TFEC: variants seen among roughly 807,000 people sequenced by gnomAD.
TFEC encodes class E basic helix-loop-helix protein 34.
A neutral mutation model predicts 41.6 loss-of-function variants in TFEC; 31 were observed. The ratio of observed to expected loss-of-function variants is 0.74; its 90% CI spans 0.56 to 1.01. TFEC has a LOEUF of 1.01. Ranked by LOEUF, TFEC falls within the 50% of genes least tolerant of loss-of-function variation. TFEC has a pLI of 0.00. For missense variants in TFEC, 402 were observed against 404.1 expected (o/e 0.99, Z 0.04); for synonymous variants, 143 against 140.6 (o/e 1.02, Z -0.12).
intron 1 of TFEC, among the ~76,000 whole-genome samples, chr7:116,123,858 T>C (rs1048810099): frequency 4.6e-5 from 7 of 152,294 alleles, no homozygotes; most frequent in Non-Finnish European, 1.0e-4. Context: ...GTATTATGTC[T>C]GCAAAGGAAG....
At chr7:116,081,805 T>TTTGTAGC (rs1247362908) in intron 3 of TFEC, among the ~76,000 whole-genome samples, 1 of 152,112 alleles carries the variant, frequency 6.6e-6, no homozygotes, top group Non-Finnish European at 1.5e-5. Context: ...AGCAACTTAA[T>TTTGTAGC]TTGTAGCTTT....
At chr7:116,043,017 G>T (rs1796076795) in intron 3 of TFEC, among the ~76,000 whole-genome samples, 1 of 152,092 alleles carries the variant, frequency 6.6e-6, no homozygotes, top group South Asian at 2.1e-4. Context: ...AACTCAAACT[G>T]CCTTGACTTC....
Position 115,984,078 on chromosome 7 carries a change from AATTT to A in TFEC, c.180+180_180+183del, listed in dbSNP as rs1241615920. ...GTGCATATTAAACAAGAATTTTTAT[AATTT>A]ATTATGCATAGGAATTTATATGCAT... On this transcript the variant is annotated intron_variant, in intron 2 of 7. Coordinates refer to ENST00000265440, the MANE Select transcript of TFEC (RefSeq NM_012252.4). Among the ~76,000 whole-genome samples the A allele has an allele frequency of 2.6e-5, 4 of 152,184 alleles. 1 individual carries two copies. The highest frequency in any genetic ancestry group is 5.9e-5 in the Non-Finnish European group (4 of 68,018).
chr7:116,108,877 T>C (rs1009741125), intron 3 of TFEC, among the ~76,000 whole-genome samples: 16 of 152,154 alleles, frequency 1.1e-4, no homozygotes, highest in African/African-American at 2.9e-4. Context: ...AGCAATGCTT[T>C]ATAAAGCCCA....
chr7:115,998,630 T>C, intron 1 of TFEC, among the ~76,000 whole-genome samples: 1 of 151,036 alleles, frequency 6.6e-6, no homozygotes, highest in Non-Finnish European at 1.5e-5. Flanking sequence ...AAGAAAGGGA[T>C]TGAAAAAGAT....
At chr7:116,065,635 T>A (rs1796677836) in intron 3 of TFEC, among the ~76,000 whole-genome samples, 2 of 152,054 alleles carry the variant, frequency 1.3e-5, no homozygotes, top group Admixed American at 6.6e-5. Flanking sequence ...TACTTGTGTA[T>A]GGAGTTGCTT....
intron 6 of TFEC, among the ~76,000 whole-genome samples, chr7:115,944,631 A>G (rs1793695587): frequency 6.6e-6 from 1 of 151,698 alleles, no homozygotes; most frequent in South Asian, 2.2e-4. Context: ...ACTCCAAAAT[A>G]TATTCCAATC....
intron 1 of TFEC, among the ~76,000 whole-genome samples, chr7:116,150,759 TAAG>T (rs1798744518): frequency 6.6e-6 from 1 of 152,142 alleles, no homozygotes; most frequent in Non-Finnish European, 1.5e-5. Context: ...TAAAAATTCA[TAAG>T]AAGAGTTTTC....
rs562656194 is a variant in TFEC, at chr7:115,984,497, T to C, written c.-56A>G. On this transcript the variant is annotated 5_prime_UTR_variant, in exon 2 of 8. Transcript: ENST00000265440. Reference sequence around the variant, plus strand: ...CTGTAGCTGAGGCCTTGCAGAACTTTCCAGGTGTGCTGGGACCTACAAGAT... The same window carrying C: ...CTGTAGCTGAGGCCTTGCAGAACTTCCCAGGTGTGCTGGGACCTACAAGAT... 9.0e-4 allele frequency: 1,454 copies of C among 1,613,946 alleles called. 18 individuals carry two copies. The South Asian group carries it at 0.015, about 17-fold the overall frequency.
intron 3 of TFEC, among the ~76,000 whole-genome samples, chr7:116,069,118 G>A (rs1043305946): frequency 6.6e-6 from 1 of 151,568 alleles, no homozygotes; most frequent in African/African-American, 2.4e-5. Flanking sequence ...CAAATTCAGT[G>A]AAATACAAAC....
chr7:116,102,615 C>T (rs546019905), intron 3 of TFEC, among the ~76,000 whole-genome samples: 1 of 152,250 alleles, frequency 6.6e-6, no homozygotes, highest in South Asian at 2.1e-4. Context: ...ATGAAGGAGA[C>T]AGAATGAAAG....
chr7:116,033,025 T>C (rs17302081), upstream of TFEC, among the ~76,000 whole-genome samples: 93,563 of 151,784 alleles, frequency 0.62, 29,447 homozygotes, highest in East Asian at 0.75. Flanking sequence ...AATTTAAATC[T>C]TACCTTCTGT....
At chr7:116,087,763 GGAAAAATTT>G (rs1797234355) in intron 3 of TFEC, among the ~76,000 whole-genome samples, 1 of 151,974 alleles carries the variant, frequency 6.6e-6, no homozygotes, top group Non-Finnish European at 1.5e-5. Flanking sequence ...TAATGAAAAA[GGAAAAATTT>G]CCAACTTGTA....
At chr7:116,033,094 G>A (rs990988009), upstream of TFEC, among the ~76,000 whole-genome samples, 4 of 150,834 alleles carry the variant, frequency 2.7e-5, no homozygotes, top group African/African-American at 9.8e-5. Flanking sequence ...AATTAATCAC[G>A]TGACAAAGAA....
intron 1 of TFEC, among the ~76,000 whole-genome samples, chr7:116,140,102 G>GGA (rs989045073): frequency 6.6e-6 from 1 of 152,160 alleles, no homozygotes; most frequent in African/African-American, 2.4e-5. Context: ...AATTCTACCA[G>GGA]GAGAGGTGAA....
intron 3 of TFEC, among the ~76,000 whole-genome samples, chr7:116,036,910 A>G (rs1038602781): frequency 1.3e-5 from 2 of 152,084 alleles, no homozygotes; most frequent in Admixed American, 1.3e-4. Context: ...TTGGTTTCCA[A>G]AGTCAAACAT....
At chr7:116,051,879 G>T (rs532618746) in intron 3 of TFEC, among the ~76,000 whole-genome samples, 4 of 151,902 alleles carry the variant, frequency 2.6e-5, no homozygotes, top group Non-Finnish European at 5.9e-5. Flanking sequence ...TAAGGATTAG[G>T]TAAGTAACTT....
In TFEC at chr7:116,008,784, C is replaced by A. The variant is rs978117286; in HGVS notation, c.-73+21849G>T. Reference sequence around the variant, plus strand: ...GTCTGATTGAGATATAACTACTGAACTAAAGTAGAGCCCGGTTCATCAAAA... The same window carrying A: ...GTCTGATTGAGATATAACTACTGAAATAAAGTAGAGCCCGGTTCATCAAAA... On this transcript the variant is annotated intron_variant, in intron 1 of 7. Transcript: ENST00000265440. Among the ~76,000 whole-genome samples, 17 of 152,100 alleles carry A rather than the reference C, an allele frequency of 1.1e-4. 1 individual carries two copies. Among genetic ancestry groups the A allele is most frequent in the Non-Finnish European group, 2.4e-4 (16 of 68,020 alleles).
chr7:116,005,854 C>T (rs1037330914), intron 1 of TFEC, among the ~76,000 whole-genome samples: 1 of 152,166 alleles, frequency 6.6e-6, no homozygotes, highest in African/African-American at 2.4e-5. Context: ...CCCAGGGTCC[C>T]CATGCTGTAT....
Sources: allele counts gnomAD v4.1 joint callset (sites outside exome capture counted in the v4.1 genomes callset), GRCh38; gene constraint gnomAD v4.1.1; transcripts MANE v1.5; gene names NCBI Gene and HGNC (gene_info 2026-07-23, HGNC 2026-07-21).